CDH13: variants seen among roughly 807,000 people sequenced by gnomAD.
CDH13 encodes the protein cadherin 13.
In CDH13, 24 loss-of-function variants were observed where a neutral mutation model predicts 63.8. That is an observed-to-expected ratio of 0.38 (90% confidence interval 0.27 to 0.53). CDH13 has a LOEUF of 0.53. CDH13 is among the 20% of genes least tolerant of loss of function. The pLI is 0.85. For missense variants in CDH13, 1,049 were observed against 903.1 expected (o/e 1.16, Z -2.07); for synonymous variants, 503 against 355.3 (o/e 1.42, Z -4.67).
chr16:82,800,748 G>C (rs757235008), intron 1 of CDH13, among the ~76,000 whole-genome samples: 12 of 152,180 alleles, frequency 7.9e-5, no homozygotes, highest in Admixed American at 2.0e-4. Context: ...TTTACCTAAA[G>C]CTCAAAGGAA....
chr16:82,793,445 A>G (rs923100517), intron 1 of CDH13, among the ~76,000 whole-genome samples: 1 of 128,440 alleles, frequency 7.8e-6, no homozygotes, highest in Non-Finnish European at 1.8e-5. Context: ...TGTTCTTTAT[A>G]GAGGTGAAAA....
chr16:83,582,805 G>A (rs1048794879), intron 7 of CDH13, among the ~76,000 whole-genome samples: 2 of 152,230 alleles, frequency 1.3e-5, no homozygotes, highest in Non-Finnish European at 2.9e-5. Flanking sequence ...CTTAAGCAGA[G>A]TCCGATCAAC....
intron 4 of CDH13, among the ~76,000 whole-genome samples, chr16:83,178,188 C>A (rs765358505): frequency 1.3e-4 from 20 of 152,104 alleles, no homozygotes; most frequent in Admixed American, 6.6e-4. Flanking sequence ...GAACTATAGA[C>A]ATTTGGGGCA....
chr16:83,019,619 C>T (rs1915149861), intron 2 of CDH13, among the ~76,000 whole-genome samples: 1 of 151,476 alleles, frequency 6.6e-6, no homozygotes, highest in Admixed American at 6.6e-5. Flanking sequence ...CCCAAGCATC[C>T]CGGTTAGTTG....
chr16:83,611,377 C>G lies in CDH13; in HGVS notation c.1101+8783C>G, dbSNP rs141780793. 2.3e-3 allele frequency among the ~76,000 whole-genome samples: 345 copies of G among 152,062 alleles called. 1 individual carries two copies. Among genetic ancestry groups the G allele is most frequent in the African/African-American group, 8.0e-3 (331 of 41,530 alleles). On this transcript the variant is annotated intron_variant, in intron 8 of 13. Coordinates refer to ENST00000567109, the MANE Select transcript of CDH13 (RefSeq NM_001257.5). ...GATGGATATGAAACTATGTATATTTCAATTTGCCAATTTGTGTTTTTCCAG... is the reference window on the plus strand; with the variant it reads ...GATGGATATGAAACTATGTATATTTGAATTTGCCAATTTGTGTTTTTCCAG...
At position 82,800,311 on chromosome 16, in the gene CDH13, C is replaced by T. The variant is rs796813258; in HGVS notation, c.46-58051C>T. Among the ~76,000 whole-genome samples, 18 of 152,210 alleles carry T rather than the reference C, an allele frequency of 1.2e-4. 1 individual carries two copies. The highest frequency in any genetic ancestry group is 4.1e-4 in the African/African-American group (17 of 41,536). ...GTCTCCTTTAAAATTGTATTTTTCT[C>T]GTATGAAGACCCAGTTCAATGGGTT... On this transcript the variant is annotated intron_variant, in intron 1 of 13. Transcript: ENST00000567109.
chr16:83,413,385 T>C (rs1261367477), intron 6 of CDH13, among the ~76,000 whole-genome samples: 1 of 152,200 alleles, frequency 6.6e-6, no homozygotes, highest in South Asian at 2.1e-4. Flanking sequence ...TCCCCAATTA[T>C]TATCAGTCAC....
chr16:83,678,491 G>A (rs533235251), intron 10 of CDH13, 30 bp downstream of exon 10: 4 of 1,612,508 alleles, frequency 2.5e-6, no homozygotes, highest in Admixed American at 3.3e-5. Context: ...ACCACAGACG[G>A]GAGGTGGGCA....
intron 7 of CDH13, among the ~76,000 whole-genome samples, chr16:83,495,277 G>C (rs1159118416): frequency 6.6e-6 from 1 of 152,188 alleles, no homozygotes; most frequent in African/African-American, 2.4e-5. Context: ...GGAAAGGCAG[G>C]ACAACTGGAG....
chr16:83,732,099 T>G (rs1026729063), intron 10 of CDH13, among the ~76,000 whole-genome samples: 1 of 152,194 alleles, frequency 6.6e-6, no homozygotes, highest in African/African-American at 2.4e-5. Context: ...GCCCTGAGGA[T>G]AGCAGTGAAC....
chr16:82,896,341 G>A (rs951085623), intron 2 of CDH13, among the ~76,000 whole-genome samples: 1 of 136,794 alleles, frequency 7.3e-6, no homozygotes, highest in African/African-American at 2.7e-5. Context: ...TCCCAGGCTG[G>A]AGTGCAGTGG....
intron 2 of CDH13, among the ~76,000 whole-genome samples, chr16:83,024,733 A>G (rs1915643928): frequency 1.3e-5 from 2 of 152,216 alleles, no homozygotes; most frequent in African/African-American, 2.4e-5. Context: ...CTTGCCTTAC[A>G]TTTGTACGAA....
At chr16:82,803,889 G>C (rs1171687326) in intron 1 of CDH13, among the ~76,000 whole-genome samples, 1 of 152,126 alleles carries the variant, frequency 6.6e-6, no homozygotes, top group African/African-American at 2.4e-5. Flanking sequence ...GAGATGTTTT[G>C]TACAACTTAG....
intron 11 of CDH13, among the ~76,000 whole-genome samples, chr16:83,771,303 G>A (rs1186673903): frequency 6.6e-6 from 1 of 152,182 alleles, no homozygotes; most frequent in East Asian, 1.9e-4. Context: ...AGGCCAGGTG[G>A]CCAACTTGGC....
chr16:83,527,061 G>A (rs1451408407), intron 7 of CDH13, among the ~76,000 whole-genome samples: 1 of 151,974 alleles, frequency 6.6e-6, no homozygotes, highest in African/African-American at 2.4e-5. Flanking sequence ...AACCCATGAG[G>A]CGGAGGCTGC....
At chr16:83,106,127 T>C (rs2034752232) in intron 3 of CDH13, among the ~76,000 whole-genome samples, 1 of 152,254 alleles carries the variant, frequency 6.6e-6, no homozygotes, top group African/African-American at 2.4e-5. Flanking sequence ...AACACCTCTT[T>C]TGCTAATCTA....
intron 1 of CDH13, among the ~76,000 whole-genome samples, chr16:82,643,624 T>G (rs1360678367): frequency 1.3e-5 from 2 of 152,256 alleles, no homozygotes; most frequent in African/African-American, 4.8e-5. Flanking sequence ...TTTTGCTGAT[T>G]TGTAAAGTGA....
At chr16:82,658,353 A>G (rs1345500368) in intron 1 of CDH13, among the ~76,000 whole-genome samples, 1 of 152,206 alleles carries the variant, frequency 6.6e-6, no homozygotes, top group East Asian at 1.9e-4. Context: ...TGACTCCTTT[A>G]AAGATTTAGC....
chr16:83,394,248 T>G (rs11641989), intron 6 of CDH13, among the ~76,000 whole-genome samples: 3 of 150,356 alleles, frequency 2.0e-5, no homozygotes, highest in Admixed American at 6.6e-5. Context: ...CTAAAAGTTT[T>G]AAAAAAAAAA....
Sources: gnomAD v4.1 joint callset for allele counts (sites outside exome capture counted in the v4.1 genomes callset) on GRCh38, gnomAD v4.1.1 for gene constraint, MANE v1.5 for transcripts, NCBI Gene and HGNC (gene_info 2026-07-23, HGNC 2026-07-21) for gene names.